HACE1: variants seen among roughly 807,000 people sequenced by gnomAD.
HACE1 encodes HECT domain and ankyrin repeat containing E3 ubiquitin protein ligase 1.
Under a neutral mutation model 118.4 loss-of-function variants are expected in HACE1, and 73 were observed. That is an observed-to-expected ratio of 0.62 (90% CI 0.51 to 0.75). The LOEUF (loss-of-function observed/expected upper bound fraction) is 0.75. Among genes scored for constraint, HACE1 ranks in the 30% least tolerant of loss-of-function variants. The probability of loss-of-function intolerance (pLI) is 0.00; values close to 1 mark genes in which losing one functional copy is unlikely to be tolerated. For missense variants in HACE1, 749 were observed against 1,102.2 expected (o/e 0.68, Z 4.54); for synonymous variants, 368 against 374.8 (o/e 0.98, Z 0.21).
intron 5 of HACE1, among the ~76,000 whole-genome samples, chr6:104,834,060 C>A (rs1774281721): frequency 6.6e-6 from 1 of 152,018 alleles, no homozygotes. Flanking sequence ...GGGAGGATCC[C>A]TTGAGCCCAG....
At chr6:104,752,557 A>G (rs1778175184) in intron 19 of HACE1, among the ~76,000 whole-genome samples, 1 of 152,014 alleles carries the variant, frequency 6.6e-6, no homozygotes, top group African/African-American at 2.4e-5. Flanking sequence ...TGGCTTTACC[A>G]TCTTAAAGTG....
At position 104,760,376 on chromosome 6, in the gene HACE1, T is replaced by C. The variant is rs1054229377; in HGVS notation, c.2212-9904A>G. 2.0e-5 allele frequency among the ~76,000 whole-genome samples: 3 copies of C among 152,210 alleles called. No homozygotes were observed. In the East Asian group the frequency reaches 5.8e-4, roughly 29 times the overall value. ...GATCAAGTCGGCTTCATCCCTGGGA[T>C]GCAAGGCTGGTTCAACATACACAAT... On this transcript the variant is annotated intron_variant, in intron 19 of 23. Transcript: ENST00000262903.
At chr6:104,744,048 G>T in intron 22 of HACE1, 112 bp downstream of exon 22, 1 of 734,496 alleles carries the variant, frequency 1.4e-6, no homozygotes, top group South Asian at 1.5e-5. Context: ...AGTGGAAAGG[G>T]TGGTAAGTTA....
intron 1 of HACE1, among the ~76,000 whole-genome samples, chr6:104,857,908 G>A (rs937915946): frequency 2.0e-5 from 3 of 146,422 alleles, no homozygotes; most frequent in Non-Finnish European, 3.0e-5. Context: ...AGTGAGTCGA[G>A]ATGGCGCCAC....
intron 11 of HACE1, chr6:104,786,182 A>G (rs1357154044): frequency 6.6e-6 from 1 of 151,882 alleles, no homozygotes; most frequent in Non-Finnish European, 1.5e-5. Flanking sequence ...TCTACTAAAA[A>G]TACAAAAAAT....
intron 22 of HACE1, among the ~76,000 whole-genome samples, chr6:104,736,050 A>C (rs1775789858): frequency 6.6e-6 from 1 of 151,878 alleles, no homozygotes; most frequent in African/African-American, 2.4e-5. Context: ...ATCAGTGATT[A>C]TTTTTAGGAA....
At chr6:104,792,301 A>G (rs1028522192) in intron 10 of HACE1, among the ~76,000 whole-genome samples, 1 of 152,206 alleles carries the variant, frequency 6.6e-6, no homozygotes, top group African/African-American at 2.4e-5. Flanking sequence ...ACTAAAATTC[A>G]ATTAACACTA....
chr6:104,840,578 G>C (rs763420822), intron 5 of HACE1, among the ~76,000 whole-genome samples: 12 of 151,488 alleles, frequency 7.9e-5, no homozygotes, highest in African/African-American at 2.4e-4. Flanking sequence ...CCTGTAATCC[G>C]AGCACTTTGG....
chr6:104,791,974 T>G (rs1206756713), intron 10 of HACE1, among the ~76,000 whole-genome samples: 1 of 152,216 alleles, frequency 6.6e-6, no homozygotes, highest in Non-Finnish European at 1.5e-5. Flanking sequence ...ATTTTTACTT[T>G]CAGAAGTATA....
intron 7 of HACE1, among the ~76,000 whole-genome samples, chr6:104,802,898 C>A (rs1411781473): frequency 2.0e-5 from 3 of 152,122 alleles, no homozygotes. Context: ...ACACAAAAAA[C>A]CCTTCAAAAA....
chr6:104,840,236 A>G (rs1287775838), intron 5 of HACE1, among the ~76,000 whole-genome samples: 1 of 152,220 alleles, frequency 6.6e-6, no homozygotes, highest in Non-Finnish European at 1.5e-5. Context: ...GGGAAAATAA[A>G]ATGTTATGCA....
chr6:104,852,420 G>C (rs751712682), intron 1 of HACE1, 49 bp from the exon 2 acceptor site: 1 of 1,098,502 alleles, frequency 9.1e-7, no homozygotes, highest in Admixed American at 1.8e-5. Context: ...TTTGTGCAAG[G>C]GGTGATACTT....
chr6:104,794,723 G>C (rs1183458098), intron 10 of HACE1, among the ~76,000 whole-genome samples: 1 of 152,154 alleles, frequency 6.6e-6, no homozygotes, highest in Non-Finnish European at 1.5e-5. Context: ...GGGCAACATG[G>C]CAAAACCCCA....
At chr6:104,819,883 A>G (rs112318689) in intron 6 of HACE1, among the ~76,000 whole-genome samples, 5,204 of 152,290 alleles carry the variant, frequency 0.034, 279 homozygotes, top group African/African-American at 0.12. Flanking sequence ...AAATTAACTC[A>G]AAATGGATTA....
At chr6:104,785,522 A>C in intron 11 of HACE1, 1 of 542,554 alleles carries the variant, frequency 1.8e-6, no homozygotes, top group South Asian at 2.2e-5. Context: ...TTCTTCATTT[A>C]TGGCAATAAT....
At chr6:104,734,831 GTAC>G in intron 22 of HACE1, among the ~76,000 whole-genome samples, 2 of 152,218 alleles carry the variant, frequency 1.3e-5, no homozygotes, top group South Asian at 4.1e-4. Context: ...AGACAACTTA[GTAC>G]TAAAAAACTT....
chr6:104,772,547 T>C (rs1283742318), intron 17 of HACE1, among the ~76,000 whole-genome samples: 3 of 152,166 alleles, frequency 2.0e-5, no homozygotes, highest in Non-Finnish European at 4.4e-5. Context: ...TAGAACACTA[T>C]GAGAATAACT....
intron 23 of HACE1, 138 bp from the exon 24 acceptor site, chr6:104,729,902 G>C (rs1939247279): frequency 4.5e-6 from 3 of 660,158 alleles, no homozygotes; most frequent in Non-Finnish European, 8.1e-6. Flanking sequence ...AAACCCTAAA[G>C]TGGTATTTAA....
At chr6:104,840,689 C>T (rs1482756172) in intron 5 of HACE1, among the ~76,000 whole-genome samples, 4 of 151,828 alleles carry the variant, frequency 2.6e-5, no homozygotes, top group Non-Finnish European at 4.4e-5. Flanking sequence ...AAAGGCTGGG[C>T]GCGGTGGCTC....
Sources: gnomAD v4.1 joint callset for allele counts (sites outside exome capture counted in the v4.1 genomes callset) on GRCh38, gnomAD v4.1.1 for gene constraint, MANE v1.5 for transcripts, NCBI Gene and HGNC (gene_info 2026-07-23, HGNC 2026-07-21) for gene names.